The following BICC1 variants were observed in gnomAD, a reference collection of about 807,000 sequenced individuals.
The protein encoded by BICC1 is BicC family RNA binding protein 1, also known as protein bicaudal C homolog 1.
A neutral mutation model predicts 111.0 loss-of-function variants in BICC1; 43 were observed. That is an observed-to-expected ratio of 0.39 (90% CI 0.30 to 0.50). The LOEUF is 0.50. Ranked by LOEUF, BICC1 falls within the 20% of genes least tolerant of loss-of-function variation. BICC1 has a pLI of 0.88. For missense variants in BICC1, 1,091 were observed against 1,203.2 expected, an observed-to-expected ratio of 0.91 and a Z score of 1.38; for synonymous variants, 467 against 434.4, an observed-to-expected ratio of 1.07 and a Z score of -0.93.
intron 1 of BICC1, among the ~76,000 whole-genome samples, chr10:58,571,047 C>T (rs563030479): frequency 6.6e-6 from 1 of 152,246 alleles, no homozygotes; most frequent in South Asian, 2.1e-4. Flanking sequence ...GCTGTGTATC[C>T]AGTGCATTCT....
At chr10:58,827,641 T>A (rs550177275) in intron 20 of BICC1, among the ~76,000 whole-genome samples, 1 of 152,282 alleles carries the variant, frequency 6.6e-6, no homozygotes, top group Non-Finnish European at 1.5e-5. Context: ...TTAGACAGTC[T>A]GGCAGAAGAG....
At chr10:58,522,898 G>A (rs28769024) in intron 1 of BICC1, among the ~76,000 whole-genome samples, 81,496 of 151,214 alleles carry the variant, frequency 0.54, 23,012 homozygotes, top group African/African-American at 0.71. Flanking sequence ...CAGAACTACA[G>A]ACTACCATCA....
At chr10:58,730,886 G>A (rs994305479) in intron 3 of BICC1, among the ~76,000 whole-genome samples, 2 of 152,050 alleles carry the variant, frequency 1.3e-5, no homozygotes, top group African/African-American at 4.8e-5. Context: ...AGCCCCCCTA[G>A]GCCTCCCTGC....
chr10:58,513,190 C>T lies in BICC1; in HGVS notation c.47C>T (p.Pro16Leu), dbSNP rs963341119. ...GGCTACCTGGCGGCGCAGTCGGACC[C>T]CGGCTCCAACAGCGAGCGCAGCACC... ...EPGYLAAQSD[P>L]GSNSERSTDS... The change falls in exon 1 of 21, where the codon CCC becomes CTC. Residue 16 changes from proline (P) to leucine (L), a missense_variant. Around this residue, in one of 3 missense-constraint regions of BICC1, gnomAD observed 843 missense variants for 900.8 expected, o/e 0.94. Coordinates refer to ENST00000373886, the MANE Select transcript of BICC1 (RefSeq NM_001080512.3). 5 of 1,592,896 alleles carry T rather than the reference C, an allele frequency of 3.1e-6. No individual in the cohort carries two copies. The African/African-American group carries it at 6.8e-5, about 22-fold the overall frequency.
At chr10:58,694,378 G>C (rs1330018536) in intron 2 of BICC1, among the ~76,000 whole-genome samples, 1 of 152,192 alleles carries the variant, frequency 6.6e-6, no homozygotes, top group Non-Finnish European at 1.5e-5. Flanking sequence ...AATGTGATTG[G>C]TCACTGATCC....
At chr10:58,544,430 G>C (rs1359722103) in intron 1 of BICC1, among the ~76,000 whole-genome samples, 2 of 152,096 alleles carry the variant, frequency 1.3e-5, no homozygotes, top group Non-Finnish European at 2.9e-5. Context: ...TTGCTGGCTT[G>C]AACATTCCTG....
chr10:58,513,110 G>A lies in BICC1; in HGVS notation c.-34G>A, dbSNP rs1001469653. 30 of 1,359,188 alleles carry A rather than the reference G, an allele frequency of 2.2e-5. No homozygotes were observed. The highest frequency in any genetic ancestry group is 2.7e-5 in the Non-Finnish European group (29 of 1,059,234). The allele number at this position is 1,359,188 out of a possible 1,614,324, so 84.2% of individuals were successfully genotyped here. A position where few individuals can be genotyped will look rare whatever the true frequency, so the allele number is the denominator to read the frequency against. On this transcript the variant is annotated 5_prime_UTR_variant, in exon 1 of 21. Coordinates refer to ENST00000373886, the MANE Select transcript of BICC1 (RefSeq NM_001080512.3). ...AGGCGGCAGCGCAGGCAGAGCGGCG[G>A]CGGCAGCGGGAGCCCGAGCGCTGCG...
chr10:58,587,122 C>T (rs1451220702), intron 1 of BICC1, among the ~76,000 whole-genome samples: 1 of 152,148 alleles, frequency 6.6e-6, no homozygotes, highest in Non-Finnish European at 1.5e-5. Context: ...CCTCAGGTGC[C>T]TCATGCATAT....
chr10:58,799,390 A>G, intron 12 of BICC1, 138 bp downstream of exon 12: 1 of 547,150 alleles, frequency 1.8e-6, no homozygotes, highest in Non-Finnish European at 2.8e-6. Context: ...TAAAGTTAAA[A>G]CATGTTTAAA....
intron 3 of BICC1, among the ~76,000 whole-genome samples, chr10:58,703,250 A>T (rs1336890283): frequency 6.9e-6 from 1 of 144,314 alleles, no homozygotes; most frequent in Non-Finnish European, 1.5e-5. Context: ...CTGCAGCCTT[A>T]CCCTCCCAGG....
intron 2 of BICC1, among the ~76,000 whole-genome samples, chr10:58,629,371 T>C (rs1837727523): frequency 6.6e-6 from 1 of 152,106 alleles, no homozygotes; most frequent in Admixed American, 6.6e-5. Flanking sequence ...AACTTAGCGA[T>C]ATTCTGACTT....
chr10:58,611,784 C>G lies in BICC1; in HGVS notation c.191-9071C>G, dbSNP rs1444614294. On this transcript the variant is annotated intron_variant, in intron 1 of 20. Transcript: ENST00000373886. Reference sequence around the variant, plus strand: ...GGATTGCAGGTGTGAGCCACTGTGCCCAGCCTGTACATTCTGTTTTATACT... The same window carrying G: ...GGATTGCAGGTGTGAGCCACTGTGCGCAGCCTGTACATTCTGTTTTATACT... Among the ~76,000 whole-genome samples the G allele has an allele frequency of 4.6e-5, 7 of 152,058 alleles. No homozygotes were observed. In the South Asian group the frequency reaches 1.0e-3, roughly 23 times the overall value.
rs781134632 is a variant in BICC1, at chr10:58,513,175, C to G, written c.32C>G (p.Ala11Gly). Residue 11 changes from alanine to glycine, a missense_variant, in exon 1 of 21, where the codon GCG (alanine) becomes GGG (glycine). By Grantham distance (60) the Ala-to-Gly change is moderately conservative. Coordinates refer to ENST00000373886, the MANE Select transcript of BICC1 (RefSeq NM_001080512.3). ...GCCCAGGGAGAGCCCGGCTACCTGG[C>G]GGCGCAGTCGGACCCCGGCTCCAAC... MAAQGEPGYL[A>G]AQSDPGSNSE... is the part of the protein sequence containing the mutation. 5 of 1,572,682 alleles carry G rather than the reference C, an allele frequency of 3.2e-6. No individual in the cohort carries two copies. Among genetic ancestry groups the G allele is most frequent in the East Asian group, 4.9e-5 (2 of 40,422 alleles).
chr10:58,788,853 A>G (rs111525291), intron 6 of BICC1, among the ~76,000 whole-genome samples: 10 of 152,336 alleles, frequency 6.6e-5, no homozygotes, highest in African/African-American at 2.2e-4. Context: ...TGGGAGGCCA[A>G]GGCAGGAGGA....
chr10:58,550,895 T>G (rs1843278333), intron 1 of BICC1, among the ~76,000 whole-genome samples: 1 of 152,176 alleles, frequency 6.6e-6, no homozygotes, highest in Non-Finnish European at 1.5e-5. Flanking sequence ...TCATTCAATT[T>G]TATGACAGTG....
At chr10:58,785,134 A>G (rs1842974438) in intron 4 of BICC1, 54 bp downstream of exon 4, 1 of 1,016,360 alleles carries the variant, frequency 9.8e-7, no homozygotes, top group Non-Finnish European at 1.4e-6. Context: ...TACAAGGGCT[A>G]CTTCATGCCG....
intron 2 of BICC1, among the ~76,000 whole-genome samples, chr10:58,676,202 T>G (rs888633933): frequency 3.3e-5 from 5 of 152,170 alleles, no homozygotes; most frequent in Non-Finnish European, 5.9e-5. Context: ...GGTGGCTGTT[T>G]GGGCAGACAC....
chr10:58,614,736 T>G (rs897736231), intron 1 of BICC1, among the ~76,000 whole-genome samples: 11 of 152,186 alleles, frequency 7.2e-5, no homozygotes, highest in African/African-American at 2.4e-4. Flanking sequence ...CAAAGTGTGA[T>G]GTAATGAGTT....
intron 1 of BICC1, among the ~76,000 whole-genome samples, chr10:58,550,684 T>G (rs1294807408): frequency 6.6e-6 from 1 of 152,212 alleles, no homozygotes; most frequent in Non-Finnish European, 1.5e-5. Context: ...GCATCATTTG[T>G]TGAAAAGACT....
Sources: gnomAD v4.1 joint callset for allele counts (sites outside exome capture counted in the v4.1 genomes callset) on GRCh38, gnomAD v4.1.1 for gene constraint, gnomAD v4.1.1 regional missense constraint, MANE v1.5 for transcripts, NCBI Gene and HGNC (gene_info 2026-07-23, HGNC 2026-07-21) for gene names.